Variants in GLT1D1 observed in about 807,000 individuals in gnomAD.
GLT1D1 encodes glycosyltransferase 1 domain containing 1, also known as glycosyltransferase 1 domain-containing protein 1.
GLT1D1 carries 21 observed loss-of-function variants against 28.7 expected under a neutral mutation model. The ratio of observed to expected loss-of-function variants is 0.73; its 90% CI spans 0.52 to 1.05. The LOEUF is 1.05. Ranked by LOEUF, GLT1D1 falls within the 50% of genes least tolerant of loss-of-function variation. The pLI is 0.00. For synonymous variants in GLT1D1, 147 were observed against 124.8 expected (o/e 1.18, Z -1.19); for missense variants, 343 against 330.6 (o/e 1.04, Z -0.29).
rs201262741 is a variant in GLT1D1 at position 128,874,186 on chromosome 12, TTCTTTCTC to T, written c.69-1713_69-1706del. Among the ~76,000 whole-genome samples the T allele has an allele frequency of 3.9e-3, 542 of 140,050 alleles. 8 individuals carry two copies. Among genetic ancestry groups the T allele is most frequent in the African/African-American group, 0.014 (498 of 36,238 alleles). The allele number at this position is 140,050 out of a possible 152,430, so 91.9% of individuals were successfully genotyped here. On this transcript the variant is annotated intron_variant, in intron 1 of 7. Coordinates refer to ENST00000281703, the MANE Select transcript of GLT1D1 (RefSeq NM_144669.3). ...TCTTTCTTTCTTTCTTTTTTTCTCTTTCTTTCTCTCTTTCTCTCTTTCCCTCACTCTGT... is the reference window on the plus strand; with the variant it reads ...TCTTTCTTTCTTTCTTTTTTTCTCTTTCTTTCTCTCTTTCCCTCACTCTGT...
chr12:128,980,980 G>A (rs1053362603), intron 7 of GLT1D1, among the ~76,000 whole-genome samples: 2 of 152,170 alleles, frequency 1.3e-5, no homozygotes, highest in African/African-American at 2.4e-5. Context: ...GATTTCTCAC[G>A]TCTACAGGCG....
chr12:128,898,766 G>T (rs1047857349), intron 3 of GLT1D1, among the ~76,000 whole-genome samples: 3 of 152,158 alleles, frequency 2.0e-5, no homozygotes, highest in African/African-American at 7.2e-5. Flanking sequence ...GAGATCCCTT[G>T]TGCATTTCCT....
chr12:128,855,746 C>CTTTTTTTTTT (rs34715979), intron 1 of GLT1D1, among the ~76,000 whole-genome samples: 3 of 95,178 alleles, frequency 3.2e-5, no homozygotes, highest in South Asian at 4.5e-4. Flanking sequence ...TGCTGGTTGC[C>CTTTTTTTTTT]TTTTTTTTTT....
rs12301922 is a variant in GLT1D1, at chr12:128,931,422, C to G, written c.376-13904C>G. Among the ~76,000 whole-genome samples the G allele has an allele frequency of 7.1e-3, 1,075 of 151,924 alleles. 15 individuals carry two copies. The highest frequency in any genetic ancestry group is 0.025 in the African/African-American group (1,032 of 41,390). ...TCCTGGGTTCAAGCGACTCTCCTGT[C>G]TCAGCCTCCCGAGTAGCTGGGATTA... On this transcript the variant is annotated intron_variant, in intron 4 of 7. Coordinates refer to ENST00000281703, the MANE Select transcript of GLT1D1 (RefSeq NM_144669.3).
At chr12:128,905,312 G>A (rs764287711) in intron 4 of GLT1D1, among the ~76,000 whole-genome samples, 10 of 152,226 alleles carry the variant, frequency 6.6e-5, no homozygotes, top group African/African-American at 9.6e-5. Context: ...GGCCTTAGAC[G>A]TGCCCTGGAT....
intron 1 of GLT1D1, among the ~76,000 whole-genome samples, chr12:128,871,087 C>A (rs1414471044): frequency 6.6e-6 from 1 of 152,154 alleles, no homozygotes; most frequent in Non-Finnish European, 1.5e-5. Flanking sequence ...ATCGATTCTG[C>A]ATAAGTCATG....
chr12:128,978,593 C>T (rs1880018080), intron 7 of GLT1D1, among the ~76,000 whole-genome samples: 1 of 152,108 alleles, frequency 6.6e-6, no homozygotes, highest in Non-Finnish European at 1.5e-5. Context: ...CTGATCTCTC[C>T]CTCCCATCTT....
chr12:128,938,982 T>C (rs1874840277), intron 4 of GLT1D1, among the ~76,000 whole-genome samples: 1 of 152,180 alleles, frequency 6.6e-6, no homozygotes, highest in South Asian at 2.1e-4. Flanking sequence ...CTGAGTGGGC[T>C]GGAAAAGGTG....
intron 7 of GLT1D1, among the ~76,000 whole-genome samples, chr12:128,981,731 T>A (rs1880337069): frequency 6.6e-6 from 1 of 152,202 alleles, no homozygotes; most frequent in Non-Finnish European, 1.5e-5. Flanking sequence ...ACCATGGTAA[T>A]GAGAGCTAAG....
chr12:128,859,267 G>C (rs1034506915), intron 1 of GLT1D1, among the ~76,000 whole-genome samples: 3 of 152,314 alleles, frequency 2.0e-5, no homozygotes, highest in Middle Eastern at 3.4e-3. Flanking sequence ...AGAACGGAGG[G>C]GGAGGCGTCT....
At chr12:128,982,783 C>T (rs963205403) in intron 7 of GLT1D1, 146 bp from the exon 12 acceptor site, 1 of 641,578 alleles carries the variant, frequency 1.6e-6, no homozygotes, top group Non-Finnish European at 2.8e-6. Context: ...GCATTAACTC[C>T]CATCCCTCCT....
intron 4 of GLT1D1, 43 bp from the exon 5 acceptor site, chr12:128,912,381 T>A: frequency 7.3e-7 from 1 of 1,371,750 alleles, no homozygotes; most frequent in East Asian, 2.5e-5. Flanking sequence ...TGTCATGCAC[T>A]GTCCAATGTA....
At chr12:128,932,472 C>A (rs1874024824) in intron 4 of GLT1D1, among the ~76,000 whole-genome samples, 1 of 152,180 alleles carries the variant, frequency 6.6e-6, no homozygotes, top group African/African-American at 2.4e-5. Flanking sequence ...GTGGGAAGGA[C>A]TGTGGTCTGA....
At chr12:128,953,436 C>T (rs1419491860) in intron 6 of GLT1D1, among the ~76,000 whole-genome samples, 1 of 152,148 alleles carries the variant, frequency 6.6e-6, no homozygotes, top group African/African-American at 2.4e-5. Flanking sequence ...CTCAATCTCC[C>T]AAAGTGCTGG....
intron 7 of GLT1D1, among the ~76,000 whole-genome samples, chr12:128,958,655 C>T (rs1307617544): frequency 7.5e-6 from 1 of 133,012 alleles, no homozygotes; most frequent in Non-Finnish European, 1.5e-5. Flanking sequence ...GAGGCCAAGG[C>T]AGGATAATCA....
intron 4 of GLT1D1, among the ~76,000 whole-genome samples, chr12:128,908,440 T>C (rs1871168212): frequency 6.6e-6 from 1 of 151,146 alleles, no homozygotes; most frequent in Non-Finnish European, 1.5e-5. Flanking sequence ...TCTTCCTTTC[T>C]TTCCTTCTTT....
intron 5 of GLT1D1, among the ~76,000 whole-genome samples, chr12:128,945,769 C>G (rs1875987546): frequency 2.6e-5 from 4 of 152,180 alleles, no homozygotes; most frequent in Non-Finnish European, 1.5e-5. Context: ...CTCACATCAA[C>G]AAGTCTGAGG....
At chr12:128,863,917 G>C (rs1956443615) in intron 1 of GLT1D1, among the ~76,000 whole-genome samples, 1 of 135,362 alleles carries the variant, frequency 7.4e-6, no homozygotes, top group South Asian at 2.4e-4. Context: ...CTGCACTCCA[G>C]CCTGGGCGAC....
At chr12:128,916,702 A>T (rs76380527) in intron 4 of GLT1D1, among the ~76,000 whole-genome samples, 9,304 of 152,206 alleles carry the variant, frequency 0.061, 323 homozygotes, top group Middle Eastern at 0.1. Flanking sequence ...TCTTCTAATT[A>T]TTGGTTTGTA....
Sources: gnomAD v4.1 joint callset for allele counts (sites outside exome capture counted in the v4.1 genomes callset) on GRCh38, gnomAD v4.1.1 for gene constraint, MANE v1.5 for transcripts, NCBI Gene and HGNC (gene_info 2026-07-23, HGNC 2026-07-21) for gene names.